Variants in OPCML observed in about 807,000 individuals in gnomAD.
OPCML encodes the protein opioid binding protein/cell adhesion molecule like.
In OPCML, 13 loss-of-function variants were observed where a neutral mutation model predicts 37.8. The ratio of observed to expected loss-of-function variants is 0.34; its 90% CI spans 0.22 to 0.55. OPCML has a LOEUF of 0.55. Ranked by LOEUF, OPCML falls within the 20% of genes least tolerant of loss-of-function variation. The probability of loss-of-function intolerance (pLI) is 0.91; values close to 1 mark genes in which losing one functional copy is unlikely to be tolerated. For missense variants in OPCML, 341 were observed against 435.6 expected (o/e 0.78, Z 1.93); for synonymous variants, 176 against 168.8 (o/e 1.04, Z -0.33).
chr11:133,277,190 G>A (rs1369074824), intron 1 of OPCML, among the ~76,000 whole-genome samples: 7 of 151,966 alleles, frequency 4.6e-5, no homozygotes, highest in African/African-American at 7.3e-5. Flanking sequence ...TATGTGTCAC[G>A]TCCAGCCATC....
intron 3 of OPCML, among the ~76,000 whole-genome samples, chr11:132,532,610 T>C (rs914110986): frequency 6.6e-6 from 1 of 152,190 alleles, no homozygotes; most frequent in African/African-American, 2.4e-5. Flanking sequence ...TCTTTGTTTA[T>C]TGTTGATCAA....
intron 2 of OPCML, among the ~76,000 whole-genome samples, chr11:132,750,214 T>G (rs1945785600): frequency 6.6e-6 from 1 of 152,202 alleles, no homozygotes; most frequent in East Asian, 1.9e-4. Context: ...ATAATAGATA[T>G]GTGTCATGGA....
At chr11:133,015,371 TGAAGGAAGGAAGGAAGGAAGGAATGAAG>T (rs1947302561) in intron 1 of OPCML, among the ~76,000 whole-genome samples, 36 of 57,616 alleles carry the variant, frequency 6.2e-4, no homozygotes, top group African/African-American at 2.8e-3. Context: ...AAGGGAGGAA[TGAAGGAAGGAAGGAAGGAAGGAATGAAG>T]GAAGGAAGGA....
At chr11:132,895,818 C>G (rs536329886) in intron 2 of OPCML, among the ~76,000 whole-genome samples, 99 of 152,224 alleles carry the variant, frequency 6.5e-4, no homozygotes, top group Non-Finnish European at 1.2e-3. Flanking sequence ...CCCTGCCCCT[C>G]TTTGCTTCTG....
intron 4 of OPCML, among the ~76,000 whole-genome samples, chr11:132,479,148 C>T (rs553637241): frequency 2.2e-4 from 34 of 152,232 alleles, no homozygotes; most frequent in African/African-American, 7.9e-4. Flanking sequence ...AAGGGAGTGC[C>T]AGACAGTGGG....
At chr11:132,973,570 G>T (rs1946390645) in intron 1 of OPCML, among the ~76,000 whole-genome samples, 1 of 152,162 alleles carries the variant, frequency 6.6e-6, no homozygotes, top group African/African-American at 2.4e-5. Context: ...TTCCAAGCCT[G>T]GGTGAACTCA....
intron 1 of OPCML, among the ~76,000 whole-genome samples, chr11:133,259,474 A>G (rs1041845094): frequency 9.2e-5 from 14 of 152,166 alleles, no homozygotes; most frequent in Non-Finnish European, 1.8e-4. Context: ...GGCCACCCAG[A>G]ACAGTATATT....
At chr11:132,512,277 T>C (rs61908193) in intron 4 of OPCML, among the ~76,000 whole-genome samples, 31,732 of 151,992 alleles carry the variant, frequency 0.21, 3,418 homozygotes, top group Non-Finnish European at 0.23. Context: ...GGTACAACCA[T>C]TTTGGAAAAT....
intron 2 of OPCML, among the ~76,000 whole-genome samples, chr11:132,732,826 T>A (rs1945124676): frequency 6.6e-6 from 1 of 152,152 alleles, no homozygotes; most frequent in Non-Finnish European, 1.5e-5. Context: ...ATTCAGTATT[T>A]AGAGATTAAT....
chr11:132,433,074 T>A (rs1592165573), intron 7 of OPCML, among the ~76,000 whole-genome samples: 1 of 151,438 alleles, frequency 6.6e-6, no homozygotes, highest in Admixed American at 6.6e-5. Flanking sequence ...GCCAACAGGG[T>A]GAAGTGAGAT....
At chr11:133,384,097 G>A (rs1177974729) in intron 1 of OPCML, among the ~76,000 whole-genome samples, 3 of 151,808 alleles carry the variant, frequency 2.0e-5, no homozygotes, top group African/African-American at 7.3e-5. Context: ...AGATACATAC[G>A]CCTGTGTTGT....
At chr11:133,128,588 T>C (rs1949555738) in intron 1 of OPCML, among the ~76,000 whole-genome samples, 1 of 152,136 alleles carries the variant, frequency 6.6e-6, no homozygotes, top group African/African-American at 2.4e-5. Flanking sequence ...CCTGGAGGTA[T>C]CTCAGAAGAA....
chr11:133,479,851 C>T lies in OPCML; in HGVS notation c.61+52413G>A, dbSNP rs190362084. On this transcript the variant is annotated intron_variant, in intron 1 of 7. Coordinates refer to ENST00000524381, the MANE Select transcript of OPCML (RefSeq NM_001012393.5). ...GCACATTCTTGAGAAAAGCCACCAC[C>T]GGCCTCTCCACCCACGATGCTAAGG... Among the ~76,000 whole-genome samples, 14 of 152,328 alleles carry T rather than the reference C, an allele frequency of 9.2e-5. No individual in the cohort carries two copies. The South Asian group carries it at 1.9e-3, about 20-fold the overall frequency.
At chr11:132,695,164 G>C (rs1943556790) in intron 2 of OPCML, among the ~76,000 whole-genome samples, 1 of 151,948 alleles carries the variant, frequency 6.6e-6, no homozygotes. Flanking sequence ...AGGATATGTG[G>C]TAAAGGTTAT....
rs181951028 is a variant in OPCML, at chr11:132,632,448, G to A, written c.379+24639C>T. ...TTTCCATGTGAAAAATGAGAACACTGATATTCAGAAAGATGAACTGATTTT... is the reference window on the plus strand; with the variant it reads ...TTTCCATGTGAAAAATGAGAACACTAATATTCAGAAAGATGAACTGATTTT... On this transcript the variant is annotated intron_variant, in intron 3 of 7. Coordinates refer to ENST00000524381, the MANE Select transcript of OPCML (RefSeq NM_001012393.5). Among the ~76,000 whole-genome samples, 629 of 152,174 alleles carry A rather than the reference G, an allele frequency of 4.1e-3. 2 individuals are homozygous for A. Among genetic ancestry groups the A allele is most frequent in the Non-Finnish European group, 7.3e-3 (496 of 68,014 alleles).
chr11:132,547,132 T>C (rs2096370515), intron 3 of OPCML, among the ~76,000 whole-genome samples: 1 of 152,202 alleles, frequency 6.6e-6, no homozygotes, highest in South Asian at 2.1e-4. Flanking sequence ...AAAACCATGC[T>C]TGGCACATAC....
At chr11:133,410,227 T>C (rs978910998) in intron 1 of OPCML, among the ~76,000 whole-genome samples, 1 of 152,156 alleles carries the variant, frequency 6.6e-6, no homozygotes. Context: ...CAGTGCTTTA[T>C]AGGGTGAATG....
At chr11:132,917,693 G>T (rs918344450) in intron 2 of OPCML, among the ~76,000 whole-genome samples, 1 of 152,152 alleles carries the variant, frequency 6.6e-6, no homozygotes, top group Non-Finnish European at 1.5e-5. Flanking sequence ...CCCTTCCCTG[G>T]TGTCTACATG....
Position 132,761,044 on chromosome 11 carries a change from C to T in OPCML, c.147-103725G>A, listed in dbSNP as rs528359659. ...CTTGTCTGTAAAGGATTTTATTTGTCCTTTGCTTATGAAGCTTAGTTTGGT... is the reference window on the plus strand; with the variant it reads ...CTTGTCTGTAAAGGATTTTATTTGTTCTTTGCTTATGAAGCTTAGTTTGGT... On this transcript the variant is annotated intron_variant, in intron 2 of 7. Coordinates refer to ENST00000524381, the MANE Select transcript of OPCML (RefSeq NM_001012393.5). Among the ~76,000 whole-genome samples the T allele has an allele frequency of 4.6e-5, 7 of 152,114 alleles. No individual in the cohort carries two copies. The East Asian group carries it at 5.8e-4, about 13-fold the overall frequency.
Sources: gnomAD v4.1 joint callset for allele counts (sites outside exome capture counted in the v4.1 genomes callset) on GRCh38, gnomAD v4.1.1 for gene constraint, MANE v1.5 for transcripts, NCBI Gene and HGNC (gene_info 2026-07-23, HGNC 2026-07-21) for gene names.